COL19A1: variants seen among roughly 807,000 people sequenced by gnomAD.
The protein encoded by COL19A1 is collagen alpha-1(XIX) chain.
Under a neutral mutation model 190.2 loss-of-function variants are expected in COL19A1, and 159 were observed. That is an observed-to-expected ratio of 0.84 (90% confidence interval 0.73 to 0.95). The LOEUF (loss-of-function observed/expected upper bound fraction) is 0.95. COL19A1 is among the 40% of genes least tolerant of loss of function. COL19A1 has a pLI of 0.00. For synonymous variants in COL19A1, 509 were observed against 458.9 expected (o/e 1.11, Z -1.39); for missense variants, 1,418 against 1,431.9 (o/e 0.99, Z 0.16).
intron 2 of COL19A1, among the ~76,000 whole-genome samples, chr6:69,885,961 A>G (rs1054008717): frequency 6.6e-5 from 10 of 152,226 alleles, no homozygotes; most frequent in African/African-American, 2.4e-4. Flanking sequence ...ATCTCAGGCT[A>G]CAAAAGTGGA....
rs1767986691 is a variant in COL19A1 at position 70,207,830 on chromosome 6, CA to C, written c.*558del. ...TATCCTACTTATGCAGAAAAATAGG[CA>C]ATAAGAACTTCATTTTACAATTTAT... On this transcript the variant is annotated 3_prime_UTR_variant, in exon 51 of 51. Transcript: ENST00000620364. The C allele has an allele frequency of 6.6e-6, 1 of 151,496 alleles. No individual in the cohort carries two copies. Among genetic ancestry groups the C allele is most frequent in the Admixed American group, 6.6e-5 (1 of 15,204 alleles). The allele number at this position is 151,496 out of a possible 1,614,324, so 9.4% of individuals were successfully genotyped here.
rs189155581 is a variant in COL19A1, at chr6:70,022,141, T to G, written c.1027-1486T>G. Among the ~76,000 whole-genome samples the G allele has an allele frequency of 2.6e-5, 4 of 152,110 alleles. No individual in the cohort carries two copies. In the East Asian group the frequency reaches 7.7e-4, roughly 29 times the overall value. On this transcript the variant is annotated intron_variant, in intron 11 of 50. Coordinates refer to ENST00000620364, the MANE Select transcript of COL19A1 (RefSeq NM_001858.6). The stretch of plus-strand genomic sequence containing the variant: ...TTGCTTTTCTTTACTTTTTTGCAAA[T>G]AAAATGATAATGTTCATTGTAGGAA...
intron 15 of COL19A1, among the ~76,000 whole-genome samples, chr6:70,077,087 C>A (rs1016289192): frequency 7.2e-5 from 11 of 152,068 alleles, no homozygotes; most frequent in Non-Finnish European, 8.8e-5. Flanking sequence ...ATTTTTATGG[C>A]CTAATGACTT....
chr6:70,052,648 T>C (rs927215613), intron 14 of COL19A1, among the ~76,000 whole-genome samples: 2 of 152,216 alleles, frequency 1.3e-5, no homozygotes, highest in African/African-American at 4.8e-5. Context: ...TAATCTATTC[T>C]GGAAAGTTTA....
At chr6:70,007,084 A>G (rs1379109417) in intron 11 of COL19A1, among the ~76,000 whole-genome samples, 40 of 152,112 alleles carry the variant, frequency 2.6e-4, no homozygotes, top group Non-Finnish European at 2.9e-5. Flanking sequence ...ACCCAACCCA[A>G]TGTTAGAAAA....
chr6:70,193,911 G>A (rs895628868), intron 48 of COL19A1, among the ~76,000 whole-genome samples: 1 of 152,080 alleles, frequency 6.6e-6, no homozygotes, highest in African/African-American at 2.4e-5. Context: ...AAATCATAAA[G>A]CTCCAAGGTC....
Position 70,188,155 on chromosome 6 carries a change from C to G in COL19A1, c.2937C>G (p.Ile979Met). The change falls in exon 47 of 51, where the codon ATC becomes ATG. Residue 979 changes from isoleucine (I) to methionine (M), a missense_variant. Physicochemically the swap from Ile to Met is conservative, Grantham distance 10 (BLOSUM62 1). Transcript: ENST00000620364. Reference protein sequence around the residue: ...KPGLTGMKGAIGPMGPPGNKG... With the variant: ...KPGLTGMKGAMGPMGPPGNKG... ...GCCTTACAGGCATGAAGGGGGCCAT[C>G]GGTCCTATGGGTCCACCAGGAAACA... 6.2e-7 allele frequency: 1 copy of G among 1,613,964 alleles called. No individual in the cohort carries two copies. Among genetic ancestry groups the G allele is most frequent in the African/African-American group, 1.3e-5 (1 of 75,048 alleles).
At chr6:69,931,451 A>G (rs1002871218) in intron 6 of COL19A1, among the ~76,000 whole-genome samples, 3 of 152,252 alleles carry the variant, frequency 2.0e-5, no homozygotes, top group African/African-American at 7.2e-5. Context: ...GTTAAGTAAA[A>G]CAATTCATAA....
chr6:70,072,742 T>TA (rs1036678845), intron 15 of COL19A1, among the ~76,000 whole-genome samples: 1 of 152,046 alleles, frequency 6.6e-6, no homozygotes, highest in Non-Finnish European at 1.5e-5. Context: ...ACAGAGAACA[T>TA]CAACCTACCT....
intron 12 of COL19A1, among the ~76,000 whole-genome samples, chr6:70,031,485 G>A (rs1779071683): frequency 6.6e-6 from 1 of 151,614 alleles, no homozygotes; most frequent in Non-Finnish European, 1.5e-5. Context: ...TCCAGTCTTT[G>A]TTATCTATTT....
intron 4 of COL19A1, among the ~76,000 whole-genome samples, chr6:69,916,873 T>C (rs1489587146): frequency 1.3e-5 from 2 of 152,200 alleles, no homozygotes; most frequent in Non-Finnish European, 2.9e-5. Flanking sequence ...ACTTGATACA[T>C]TGGAAGAAAC....
intron 11 of COL19A1, among the ~76,000 whole-genome samples, chr6:70,022,796 C>A (rs938221422): frequency 6.6e-6 from 1 of 152,106 alleles, no homozygotes; most frequent in African/African-American, 2.4e-5. Context: ...TTAATGGCTA[C>A]GTCATAATCC....
At chr6:70,071,905 A>G (rs893312306) in intron 15 of COL19A1, among the ~76,000 whole-genome samples, 4 of 152,154 alleles carry the variant, frequency 2.6e-5, no homozygotes, top group African/African-American at 9.7e-5. Flanking sequence ...GGGATGCTGG[A>G]TAAGAGAAGT....
At chr6:69,898,467 T>C (rs1467357978) in intron 2 of COL19A1, among the ~76,000 whole-genome samples, 1 of 152,152 alleles carries the variant, frequency 6.6e-6, no homozygotes, top group Non-Finnish European at 1.5e-5. Context: ...TATAGGCCAC[T>C]TTTGTATGGT....
At chr6:69,976,400 T>C (rs982817783) in intron 11 of COL19A1, among the ~76,000 whole-genome samples, 2 of 151,908 alleles carry the variant, frequency 1.3e-5, no homozygotes, top group Non-Finnish European at 2.9e-5. Context: ...CAATCATCCA[T>C]TTATTTGATC....
chr6:69,999,113 T>TG (rs112722958), intron 11 of COL19A1, among the ~76,000 whole-genome samples: 32,078 of 151,682 alleles, frequency 0.21, 5,591 homozygotes, highest in African/African-American at 0.47. Context: ...TTAGTAGAGA[T>TG]GGGGTTTCAC....
rs146820544 is a variant in COL19A1, at chr6:70,036,006, C to A, written c.1170+67C>A. On this transcript the variant is annotated intron_variant, in intron 14 of 50. Coordinates refer to ENST00000620364, the MANE Select transcript of COL19A1 (RefSeq NM_001858.6). ...ATTCTGTTTATTATCCATATTACAT[C>A]ATGACTAAACCAGAATTTAAGTCAC... The A allele has an allele frequency of 1.1e-4, 159 of 1,418,294 alleles. No individual in the cohort carries two copies. The East Asian group carries it at 3.6e-3, about 32-fold the overall frequency. The allele number at this position is 1,418,294 out of a possible 1,614,324, so 87.9% of individuals were successfully genotyped here.
chr6:70,143,912 A>G (rs1786431820), intron 23 of COL19A1, among the ~76,000 whole-genome samples: 1 of 152,094 alleles, frequency 6.6e-6, no homozygotes, highest in Non-Finnish European at 1.5e-5. Context: ...CTTTGGAATC[A>G]TTATGTGATG....
intron 2 of COL19A1, among the ~76,000 whole-genome samples, chr6:69,892,262 C>T (rs1769404035): frequency 1.3e-5 from 2 of 152,216 alleles, no homozygotes; most frequent in South Asian, 2.1e-4. Flanking sequence ...CTACATTACC[C>T]ATCCCTTTTG....
Sources: allele counts gnomAD v4.1 joint callset (sites outside exome capture counted in the v4.1 genomes callset), GRCh38; gene constraint gnomAD v4.1.1; transcripts MANE v1.5; gene names NCBI Gene and HGNC (gene_info 2026-07-23, HGNC 2026-07-21).